Variants in PCDHA9 observed in about 807,000 individuals in gnomAD.
The protein encoded by PCDHA9 is protocadherin alpha 9, also known as protocadherin alpha-9.
PCDHA9 carries 62 observed loss-of-function variants against 62.0 expected under a neutral mutation model. The observed-to-expected ratio is 1.00, with a 90% CI of 0.81 to 1.23. The LOEUF is 1.23. PCDHA9 is among the 50% of genes most tolerant of loss of function. The probability of loss-of-function intolerance (pLI) is 0.00; values close to 1 mark genes in which losing one functional copy is unlikely to be tolerated. For missense variants in PCDHA9, 1,205 were observed against 1,249.8 expected, an observed-to-expected ratio of 0.96 and a Z score of 0.54; for synonymous variants, 557 against 567.6, an observed-to-expected ratio of 0.98 and a Z score of 0.27.
chr5:140,871,118 G>T (rs1554165149), intron 1 of PCDHA9: 1 of 1,613,306 alleles, frequency 6.2e-7, no homozygotes, highest in African/African-American at 1.3e-5. Context: ...GTGGAGAGCG[G>T]ACAGGCGCCA....
At chr5:140,980,849 C>A (rs2096908252) in intron 2 of PCDHA9, among the ~76,000 whole-genome samples, 1 of 152,068 alleles carries the variant, frequency 6.6e-6, no homozygotes, top group Admixed American at 6.6e-5. Context: ...TAATACTAAT[C>A]TTTTTCGTAT....
intron 1 of PCDHA9, among the ~76,000 whole-genome samples, chr5:140,904,023 A>G (rs2070780912): frequency 1.3e-5 from 2 of 152,198 alleles, no homozygotes; most frequent in Admixed American, 6.5e-5. Flanking sequence ...AAATAATGGT[A>G]TAATTTAACT....
At chr5:140,877,851 A>G in intron 1 of PCDHA9, 1 of 1,546,284 alleles carries the variant, frequency 6.5e-7, no homozygotes, top group South Asian at 1.3e-5. Context: ...TAAGTTATTA[A>G]TATTATTTAG....
At chr5:140,872,306 G>A (rs897321353) in intron 1 of PCDHA9, among the ~76,000 whole-genome samples, 4 of 151,928 alleles carry the variant, frequency 2.6e-5, no homozygotes, top group African/African-American at 9.7e-5. Context: ...CTTATATGCT[G>A]CTTTATGGAA....
chr5:140,860,276 G>T (rs1399451611), intron 1 of PCDHA9: 2 of 151,942 alleles, frequency 1.3e-5, no homozygotes, highest in South Asian at 2.1e-4. Flanking sequence ...TGCTACTTGG[G>T]AGGGTGAGGT....
intron 1 of PCDHA9, among the ~76,000 whole-genome samples, chr5:140,906,736 AT>A (rs1330405649): frequency 6.6e-6 from 1 of 152,132 alleles, no homozygotes; most frequent in Non-Finnish European, 1.5e-5. Flanking sequence ...GTAGTTTCCC[AT>A]TGACACAGGG....
At chr5:140,973,946 G>A (rs566831681) in intron 1 of PCDHA9, among the ~76,000 whole-genome samples, 45 of 152,304 alleles carry the variant, frequency 3.0e-4, no homozygotes, top group Non-Finnish European at 1.5e-4. Flanking sequence ...GAATATGATG[G>A]CATTTTACAG....
intron 1 of PCDHA9, among the ~76,000 whole-genome samples, chr5:140,881,806 C>G (rs545752672): frequency 1.3e-5 from 2 of 152,238 alleles, no homozygotes; most frequent in African/African-American, 4.8e-5. Context: ...AAACGAGTGT[C>G]GAATATTCTT....
intron 3 of PCDHA9, among the ~76,000 whole-genome samples, chr5:140,991,824 A>T (rs1326935155): frequency 1.3e-5 from 2 of 152,240 alleles, no homozygotes; most frequent in Non-Finnish European, 2.9e-5. Context: ...TTAGGCATTT[A>T]TAACGGCAGA....
chr5:140,927,826 G>A (rs782694866), intron 1 of PCDHA9: 1 of 1,614,194 alleles, frequency 6.2e-7, no homozygotes, highest in Middle Eastern at 1.6e-4. Context: ...ATACATTGAG[G>A]CGAGGGACGA....
rs782332920 is a variant in PCDHA9 at position 140,856,198 on chromosome 5, C to T, written c.2394+5309C>T. 1.9e-6 allele frequency: 3 copies of T among 1,597,984 alleles called. No homozygotes were observed. In the East Asian group the frequency reaches 6.7e-5, roughly 36 times the overall value. On this transcript the variant is annotated intron_variant, in intron 1 of 3. Transcript: ENST00000532602. ...CCTTCGTGGGCCGCATCGCGCAGGA[C>T]CTGGGGCTGGAGCTGGCGGAGCTGG...
At chr5:140,891,698 T>C (rs2063212804) in intron 1 of PCDHA9, among the ~76,000 whole-genome samples, 1 of 152,258 alleles carries the variant, frequency 6.6e-6, no homozygotes, top group Non-Finnish European at 1.5e-5. Context: ...TGCTGTTGTC[T>C]GAATTTGTAC....
intron 3 of PCDHA9, among the ~76,000 whole-genome samples, chr5:140,984,769 C>T (rs145432187): frequency 1.3e-5 from 2 of 152,194 alleles, no homozygotes; most frequent in African/African-American, 2.4e-5. Context: ...TAATCCCAAG[C>T]TTACTTGCTG....
In PCDHA9 at chr5:140,848,876, C is replaced by T. The variant is rs2150423222; in HGVS notation, c.381C>T (p.Asn127=). The T allele has an allele frequency of 2.5e-6, 4 of 1,590,940 alleles. No homozygotes were observed. The highest frequency in any genetic ancestry group is 1.7e-5 in the Admixed American group (1 of 58,778). The change falls in exon 1 of 4, where the codon AAC becomes AAT. Residue 127 remains asparagine (N), a synonymous_variant. Transcript: ENST00000532602. The part of the protein sequence containing the change: ...FHVDVEVKDI[N]DNPPVFPATQ... ...TGGACGTGGAGGTGAAGGACATTAA[C>T]GACAACCCTCCAGTGTTCCCAGCGA...
At chr5:140,967,909 C>A in intron 1 of PCDHA9, 1 of 1,614,206 alleles carries the variant, frequency 6.2e-7, no homozygotes, top group Non-Finnish European at 8.5e-7. Flanking sequence ...CTACACCCAA[C>A]ACCATTGTGG....
chr5:140,950,022 A>G (rs1355491628), intron 1 of PCDHA9, among the ~76,000 whole-genome samples: 1 of 151,918 alleles, frequency 6.6e-6, no homozygotes, highest in Non-Finnish European at 1.5e-5. Flanking sequence ...CCTTCATAAA[A>G]TATAGAAAAG....
chr5:140,887,251 C>G (rs2153419046), intron 1 of PCDHA9, among the ~76,000 whole-genome samples: 1 of 152,162 alleles, frequency 6.6e-6, no homozygotes. Context: ...CGCCCGCCAC[C>G]ACGCCCTGCT....
At chr5:140,988,856 C>G (rs1363693153) in intron 3 of PCDHA9, 1 of 152,180 alleles carries the variant, frequency 6.6e-6, no homozygotes, top group African/African-American at 2.4e-5. Context: ...CCTATCCAGT[C>G]TCATGTGCAC....
chr5:141,010,276 TTGA>T lies in PCDHA9; in HGVS notation c.*343_*345del, dbSNP rs1554262867. On this transcript the variant is annotated 3_prime_UTR_variant, in exon 4 of 4. Transcript: ENST00000532602. ...TGCCCTGTGCTCCGGGGATCCTGTC[TTGA>T]TGACACTTGCAGGGCAGGCTGAAAA... is the stretch of plus-strand genomic sequence containing the variant. The T allele has an allele frequency of 4.5e-6, 7 of 1,551,580 alleles. No individual in the cohort carries two copies. The highest frequency in any genetic ancestry group is 6.1e-6 in the Non-Finnish European group (7 of 1,146,976).
Sources: gnomAD v4.1 joint callset for allele counts (sites outside exome capture counted in the v4.1 genomes callset) on GRCh38, gnomAD v4.1.1 for gene constraint, MANE v1.5 for transcripts, NCBI Gene and HGNC (gene_info 2026-07-23, HGNC 2026-07-21) for gene names.